The following NPAS3 variants were observed in gnomAD, a reference collection of about 807,000 sequenced individuals.
The protein encoded by NPAS3 is neuronal PAS domain protein 3.
Under a neutral mutation model 73.1 loss-of-function variants are expected in NPAS3, and 14 were observed. The ratio of observed to expected loss-of-function variants is 0.19; its 90% confidence interval spans 0.13 to 0.30. The LOEUF (loss-of-function observed/expected upper bound fraction) is 0.30. Among genes scored for constraint, NPAS3 ranks in the 10% least tolerant of loss-of-function variants. The pLI, the probability that NPAS3 is intolerant of heterozygous loss-of-function variation, is 1.00. For missense variants in NPAS3, 1,096 were observed against 1,250.0 expected (o/e 0.88, Z 1.86); for synonymous variants, 620 against 541.5 (o/e 1.14, Z -2.01).
chr14:33,198,640 C>A (rs2046477848), intron 2 of NPAS3, among the ~76,000 whole-genome samples: 1 of 152,228 alleles, frequency 6.6e-6, no homozygotes, highest in Admixed American at 6.5e-5. Context: ...TAAAAGTTCT[C>A]CAAGTCCCCA....
At chr14:33,002,156 C>T (rs773413437) in intron 1 of NPAS3, among the ~76,000 whole-genome samples, 2 of 152,168 alleles carry the variant, frequency 1.3e-5, no homozygotes, top group Non-Finnish European at 2.9e-5. Context: ...TATCTAGCCT[C>T]GTTCTGCTAT....
chr14:33,675,824 A>T (rs1362587355), intron 5 of NPAS3, among the ~76,000 whole-genome samples: 1 of 152,230 alleles, frequency 6.6e-6, no homozygotes, highest in Non-Finnish European at 1.5e-5. Flanking sequence ...TCCAAAACCC[A>T]AACTTCTCAA....
At chr14:32,980,968 C>T (rs879920083) in intron 1 of NPAS3, among the ~76,000 whole-genome samples, 2 of 152,212 alleles carry the variant, frequency 1.3e-5, no homozygotes, top group Admixed American at 6.5e-5. Context: ...CACACACACA[C>T]ATATATCTTT....
chr14:33,048,961 C>T (rs2040608887), intron 1 of NPAS3, among the ~76,000 whole-genome samples: 1 of 152,184 alleles, frequency 6.6e-6, no homozygotes, highest in South Asian at 2.1e-4. Context: ...CAGCTCCTTT[C>T]AAGACACTGA....
chr14:33,393,824 G>A (rs1481690607), intron 4 of NPAS3, among the ~76,000 whole-genome samples: 1 of 152,070 alleles, frequency 6.6e-6, no homozygotes, highest in Admixed American at 6.6e-5. Flanking sequence ...GCTGTGTACT[G>A]CTATCAATAT....
intron 2 of NPAS3, among the ~76,000 whole-genome samples, chr14:33,069,309 A>G (rs1157397372): frequency 6.6e-6 from 1 of 152,230 alleles, no homozygotes; most frequent in Non-Finnish European, 1.5e-5. Flanking sequence ...AAAACTTATA[A>G]AAGTTAAATG....
intron 1 of NPAS3, among the ~76,000 whole-genome samples, chr14:33,044,363 A>T (rs1452357337): frequency 6.6e-6 from 1 of 152,182 alleles, no homozygotes; most frequent in African/African-American, 2.4e-5. Flanking sequence ...GATGAGGGCA[A>T]CCATTGTATT....
intron 4 of NPAS3, among the ~76,000 whole-genome samples, chr14:33,518,587 C>T (rs1347344591): frequency 7.1e-6 from 1 of 140,962 alleles, no homozygotes; most frequent in Non-Finnish European, 1.5e-5. Context: ...AAACAGACAT[C>T]AAGGATTTTT....
intron 5 of NPAS3, among the ~76,000 whole-genome samples, chr14:33,621,924 T>A (rs936070488): frequency 6.6e-6 from 1 of 152,040 alleles, no homozygotes; most frequent in Non-Finnish European, 1.5e-5. Context: ...TAATTTGAAA[T>A]AAACTCCTGC....
At chr14:33,576,105 C>T (rs1402648928) in intron 5 of NPAS3, among the ~76,000 whole-genome samples, 1 of 152,004 alleles carries the variant, frequency 6.6e-6, no homozygotes, top group African/African-American at 2.4e-5. Flanking sequence ...CAAAAGTGGG[C>T]CTCTTAAATG....
chr14:33,714,242 A>G (rs1279302103), intron 6 of NPAS3, among the ~76,000 whole-genome samples: 1 of 152,010 alleles, frequency 6.6e-6, no homozygotes, highest in Non-Finnish European at 1.5e-5. Context: ...ATTTCATACC[A>G]TCTAGCACAC....
intron 1 of NPAS3, among the ~76,000 whole-genome samples, chr14:32,983,847 G>A (rs189486813): frequency 3.5e-4 from 53 of 152,118 alleles, no homozygotes; most frequent in African/African-American, 1.3e-3. Flanking sequence ...TCAACCTCCT[G>A]AGTAGCTGGG....
At chr14:33,333,219 G>T (rs1450851169) in intron 3 of NPAS3, among the ~76,000 whole-genome samples, 1 of 152,154 alleles carries the variant, frequency 6.6e-6, no homozygotes, top group African/African-American at 2.4e-5. Context: ...ACATAAATGA[G>T]ATGATACATA....
At chr14:33,306,144 G>A (rs913936339) in intron 3 of NPAS3, among the ~76,000 whole-genome samples, 4 of 152,010 alleles carry the variant, frequency 2.6e-5, no homozygotes, top group Non-Finnish European at 5.9e-5. Flanking sequence ...ATGATATAAC[G>A]ATATAAAACA....
chr14:33,450,014 G>T (rs888894375), intron 4 of NPAS3, among the ~76,000 whole-genome samples: 1 of 152,148 alleles, frequency 6.6e-6, no homozygotes, highest in Non-Finnish European at 1.5e-5. Flanking sequence ...CACAGACAGC[G>T]CTGAGTACAA....
chr14:33,550,589 G>T (rs1019569377), intron 4 of NPAS3, among the ~76,000 whole-genome samples: 6 of 152,226 alleles, frequency 3.9e-5, no homozygotes, highest in African/African-American at 1.4e-4. Flanking sequence ...CTGTGGACAG[G>T]CAGCGTACGC....
intron 5 of NPAS3, among the ~76,000 whole-genome samples, chr14:33,655,152 C>G (rs2059108672): frequency 6.6e-6 from 1 of 152,028 alleles, no homozygotes; most frequent in South Asian, 2.1e-4. Context: ...GGAATAATAC[C>G]CACCTAATCA....
At chr14:33,403,812 TTCTCTCTCTC>T (rs375753954) in intron 4 of NPAS3, among the ~76,000 whole-genome samples, 1 of 149,426 alleles carries the variant, frequency 6.7e-6, no homozygotes, top group African/African-American at 2.4e-5. Flanking sequence ...CTGATGCCCT[TTCTCTCTCTC>T]TCTCTCTCTC....
chr14:33,229,955 A>T (rs1011339170), intron 3 of NPAS3, among the ~76,000 whole-genome samples: 2 of 152,176 alleles, frequency 1.3e-5, no homozygotes, highest in Admixed American at 1.3e-4. Flanking sequence ...CATTCTGTGG[A>T]ACGAAAACAC....
Sources: gnomAD v4.1 joint callset for allele counts (sites outside exome capture counted in the v4.1 genomes callset) on GRCh38, gnomAD v4.1.1 for gene constraint, MANE v1.5 for transcripts, NCBI Gene and HGNC (gene_info 2026-07-23, HGNC 2026-07-21) for gene names.